Variants in NOTCH2 observed in about 807,000 individuals in gnomAD.
NOTCH2 encodes the protein neurogenic locus notch homolog protein 2.
NOTCH2 carries 29 observed loss-of-function variants against 235.8 expected under a neutral mutation model. That is an observed-to-expected ratio of 0.12 (90% CI 0.09 to 0.17). The LOEUF (loss-of-function observed/expected upper bound fraction) is 0.17, where lower values mean the gene tolerates loss of function less well. NOTCH2 is among the 10% of genes least tolerant of loss of function. The probability of loss-of-function intolerance (pLI) is 1.00; values close to 1 mark genes in which losing one functional copy is unlikely to be tolerated. For missense variants in NOTCH2, 2,285 were observed against 3,150.2 expected, an observed-to-expected ratio of 0.73 and a Z score of 6.57; for synonymous variants, 1,086 against 1,141.5, an observed-to-expected ratio of 0.95 and a Z score of 0.98.
chr1:120,006,280 C>A (rs1205463944), intron 2 of NOTCH2, among the ~76,000 whole-genome samples: 1 of 151,980 alleles, frequency 6.6e-6, no homozygotes, highest in Non-Finnish European at 1.5e-5. Context: ...GCATTTTTAA[C>A]CAAATAAAAA....
chr1:119,949,541 G>A (rs2493416), intron 15 of NOTCH2, among the ~76,000 whole-genome samples: 3 of 151,440 alleles, frequency 2.0e-5, no homozygotes, highest in South Asian at 2.1e-4. Context: ...CACCCACCAC[G>A]ACGCCCGGCT....
intron 25 of NOTCH2, 112 bp downstream of exon 25, chr1:119,925,193 G>A (rs889369970): frequency 1.4e-6 from 2 of 1,379,622 alleles, no homozygotes; most frequent in Middle Eastern, 2.5e-4. Context: ...GGCACCATCT[G>A]AAAAGCAGAG....
At chr1:119,957,166 T>C (rs1215189305) in intron 12 of NOTCH2, among the ~76,000 whole-genome samples, 4 of 152,244 alleles carry the variant, frequency 2.6e-5, no homozygotes, top group African/African-American at 7.2e-5. Context: ...GCTATAAAGA[T>C]GATTAAACGA....
Position 120,004,937 on chromosome 1 carries a change from T to C in NOTCH2, c.415+392A>G, listed in dbSNP as rs587650662. On this transcript the variant is annotated intron_variant, in intron 3 of 33. Coordinates refer to ENST00000256646, the MANE Select transcript of NOTCH2 (RefSeq NM_024408.4). Reference sequence around the variant, plus strand: ...ACAGGTGCACACCACCACACATGACTAATTTTGTTTTATTTTTATTCTTGT... The same window carrying C: ...ACAGGTGCACACCACCACACATGACCAATTTTGTTTTATTTTTATTCTTGT... Among the ~76,000 whole-genome samples the C allele has an allele frequency of 9.9e-5, 15 of 152,230 alleles. No individual in the cohort carries two copies. In the East Asian group the frequency reaches 2.9e-3, roughly 29 times the overall value.
At chr1:119,916,830 G>GCCTATCTGTGGTGTT in intron 33 of NOTCH2, 136 bp from the exon 34 acceptor site, 1 of 862,164 alleles carries the variant, frequency 1.2e-6, no homozygotes, top group Non-Finnish European at 1.9e-6. Context: ...TAACACCACA[G>GCCTATCTGTGGTGTT]ATAGGCTGTG....
intron 1 of NOTCH2, among the ~76,000 whole-genome samples, chr1:120,063,323 C>A (rs1553216550): frequency 1.3e-5 from 2 of 151,998 alleles, no homozygotes; most frequent in East Asian, 3.9e-4. Flanking sequence ...AAACTGCCGA[C>A]ACCAAATATG....
intron 26 of NOTCH2, among the ~76,000 whole-genome samples, 193 bp downstream of exon 26, chr1:119,923,444 C>T (rs1316804289): frequency 6.6e-6 from 1 of 152,206 alleles, no homozygotes; most frequent in African/African-American, 2.4e-5. Context: ...TACCCCTGCC[C>T]ACTTTTCAGC....
chr1:120,038,245 A>G (rs1392139889), intron 1 of NOTCH2, among the ~76,000 whole-genome samples: 2 of 152,064 alleles, frequency 1.3e-5, no homozygotes, highest in African/African-American at 4.8e-5. Flanking sequence ...TGAAAAATCC[A>G]CAAATACTTA....
At chr1:119,947,592 T>G (rs1553197193) in intron 17 of NOTCH2, among the ~76,000 whole-genome samples, 1 of 152,166 alleles carries the variant, frequency 6.6e-6, no homozygotes, top group Non-Finnish European at 1.5e-5. Context: ...TGGAAAACAT[T>G]CTGGCAATTT....
chr1:119,928,901 A>C, intron 23 of NOTCH2, 75 bp downstream of exon 23: 1 of 1,251,268 alleles, frequency 8.0e-7, no homozygotes, highest in Non-Finnish European at 1.2e-6. Context: ...GGTCTGGGAC[A>C]ACTCACAGGG....
chr1:119,940,577 C>A lies in NOTCH2; in HGVS notation c.3161G>T (p.Gly1054Val), dbSNP rs1650029637. The A allele has an allele frequency of 1.2e-6, 2 of 1,613,870 alleles. No homozygotes were observed. The highest frequency in any genetic ancestry group is 1.7e-6 in the Non-Finnish European group (2 of 1,179,898). ...LGTYRCSCPL[G>V]YTGKNCQTLV... is the part of the protein sequence containing the mutation. Reference sequence around the variant, plus strand: ...TACCTGACAGTTTTTCCCAGTGTAGCCCAGGGGGCAGCTGCAGCGGTAGGT... The same window carrying A: ...TACCTGACAGTTTTTCCCAGTGTAGACCAGGGGGCAGCTGCAGCGGTAGGT... Residue 1054 changes from glycine (G) to valine (V), a missense_variant, in exon 19 of 34, where the codon GGC (glycine) becomes GTC (valine). Gly to Val is a moderately radical substitution (Grantham distance 109). Around this residue, in one of 6 missense-constraint regions of NOTCH2, gnomAD observed 1,173 missense variants for 1,515.3 expected, o/e 0.77. Coordinates refer to ENST00000256646, the MANE Select transcript of NOTCH2 (RefSeq NM_024408.4).
chr1:119,986,926 T>A (rs1361087631), intron 5 of NOTCH2, 34 bp downstream of exon 5: 2 of 1,613,020 alleles, frequency 1.2e-6, no homozygotes, highest in African/African-American at 1.3e-5. Context: ...CCAATCCATA[T>A]CCCATTCTGG....
chr1:119,972,913 G>C (rs1236030235), intron 5 of NOTCH2, among the ~76,000 whole-genome samples: 1 of 152,220 alleles, frequency 6.6e-6, no homozygotes, highest in Non-Finnish European at 1.5e-5. Context: ...AAGTGGACAG[G>C]ATGGAGGAGG....
At chr1:120,011,498 C>T (rs1355555115) in intron 2 of NOTCH2, among the ~76,000 whole-genome samples, 3 of 152,190 alleles carry the variant, frequency 2.0e-5, no homozygotes, top group Non-Finnish European at 4.4e-5. Context: ...TTTAGTGGTG[C>T]TTCTATGCTT....
At chr1:119,970,185 G>A (rs1197253511) in intron 5 of NOTCH2, among the ~76,000 whole-genome samples, 1 of 152,098 alleles carries the variant, frequency 6.6e-6, no homozygotes, top group East Asian at 1.9e-4. Context: ...CAATACACTG[G>A]TTGTAATATT....
chr1:119,950,980 A>C, intron 14 of NOTCH2, 143 bp from the exon 15 acceptor site: 1 of 702,056 alleles, frequency 1.4e-6, no homozygotes, highest in Non-Finnish European at 2.6e-6. Context: ...CTGTTCATTC[A>C]TTTCAGCCCC....
In NOTCH2 at chr1:119,969,523, C is replaced by G. The variant is rs1651280454; in HGVS notation, c.1096G>C (p.Glu366Gln). ...RVASFSCMCP[E>Q]GKAGLLCHLD... is the part of the protein sequence containing the mutation. ...TTCTGCTACCTACCTGCCTTCCCCT[C>G]TGGGCACATGCAAGAGAAGGAGGCC... is the stretch of plus-strand genomic sequence containing the variant. Residue 366 changes from glutamate (E) to glutamine (Q), a missense_variant, in exon 6 of 34, where the codon GAG becomes CAG. Physicochemically the swap from Glu to Gln is conservative, Grantham distance 29 (BLOSUM62 2). This residue lies in a region of NOTCH2 where 431 missense variants were observed against 757.8 expected (regional missense o/e 0.57). Transcript: ENST00000256646. 1.9e-6 allele frequency: 3 copies of G among 1,613,756 alleles called. No individual in the cohort carries two copies. Among genetic ancestry groups the G allele is most frequent in the Non-Finnish European group, 2.5e-6 (3 of 1,179,928 alleles).
In NOTCH2 at chr1:119,923,735, G is replaced by T. The variant is rs1179656261; in HGVS notation, c.4761C>A (p.Leu1587=). The T allele has an allele frequency of 6.2e-7, 1 of 1,614,174 alleles. No homozygotes were observed. The highest frequency in any genetic ancestry group is 1.1e-5 in the South Asian group (1 of 91,070). The change falls in exon 26 of 34, where the codon CTC becomes CTA. Residue 1587 remains leucine (L), a synonymous_variant. Coordinates refer to ENST00000256646, the MANE Select transcript of NOTCH2 (RefSeq NM_024408.4). ...LRIKRDSQGE[L]MVYPYYGEKS... ...TCTCACCATAATAGGGGTACACCATGAGTTCCCCCTGGGAGTCCCGCTTAA... is the reference window on the plus strand; with the variant it reads ...TCTCACCATAATAGGGGTACACCATTAGTTCCCCCTGGGAGTCCCGCTTAA...
chr1:119,935,248 A>G, intron 22 of NOTCH2: 4 of 1,443,556 alleles, frequency 2.8e-6, no homozygotes, highest in Non-Finnish European at 3.6e-6. Flanking sequence ...ATGGAATATC[A>G]AGATGCCAAA....
Sources: gnomAD v4.1 joint callset for allele counts (sites outside exome capture counted in the v4.1 genomes callset) on GRCh38, gnomAD v4.1.1 for gene constraint, gnomAD v4.1.1 regional missense constraint, MANE v1.5 for transcripts, NCBI Gene and HGNC (gene_info 2026-07-23, HGNC 2026-07-21) for gene names.